Variants in PPP3CA observed in about 807,000 individuals in gnomAD.
PPP3CA encodes protein phosphatase 3 catalytic subunit alpha.
Under a neutral mutation model 66.5 loss-of-function variants are expected in PPP3CA, and 14 were observed. The observed-to-expected ratio is 0.21, with a 90% CI of 0.14 to 0.33. The LOEUF (loss-of-function observed/expected upper bound fraction) is 0.33, where lower values mean the gene tolerates loss of function less well. Ranked by LOEUF, PPP3CA falls within the 10% of genes least tolerant of loss-of-function variation. The pLI is 1.00. For synonymous variants in PPP3CA, 232 were observed against 226.2 expected, an observed-to-expected ratio of 1.03 and a Z score of -0.23; for missense variants, 317 against 639.5, an observed-to-expected ratio of 0.50 and a Z score of 5.44.
At chr4:101,107,440 A>T (rs1487233687) in intron 3 of PPP3CA, among the ~76,000 whole-genome samples, 3 of 152,214 alleles carry the variant, frequency 2.0e-5, no homozygotes, top group Non-Finnish European at 2.9e-5. Flanking sequence ...TGGTGCATAT[A>T]CATTTTATAT....
intron 1 of PPP3CA, among the ~76,000 whole-genome samples, chr4:101,267,860 C>T (rs1393252801): frequency 6.6e-6 from 1 of 152,108 alleles, no homozygotes; most frequent in East Asian, 1.9e-4. Context: ...ACTATCGATA[C>T]TATTGTTAAC....
chr4:101,264,045 T>G (rs912729677), intron 1 of PPP3CA, among the ~76,000 whole-genome samples: 1 of 152,216 alleles, frequency 6.6e-6, no homozygotes, highest in Non-Finnish European at 1.5e-5. Context: ...CTTAGTACAC[T>G]GATTCTCACA....
chr4:101,123,662 C>T (rs1182935044), intron 2 of PPP3CA, among the ~76,000 whole-genome samples: 1 of 152,004 alleles, frequency 6.6e-6, no homozygotes, highest in African/African-American at 2.4e-5. Context: ...GAAACCAGAT[C>T]TCTACAAAAT....
chr4:101,102,892 C>T (rs927752249), intron 3 of PPP3CA, among the ~76,000 whole-genome samples: 3 of 152,054 alleles, frequency 2.0e-5, no homozygotes, highest in Non-Finnish European at 2.9e-5. Flanking sequence ...AAATGAGGTG[C>T]GCTAATCACT....
chr4:101,193,377 G>A (rs1268296485), intron 2 of PPP3CA, among the ~76,000 whole-genome samples: 1 of 151,908 alleles, frequency 6.6e-6, no homozygotes, highest in Non-Finnish European at 1.5e-5. Context: ...ATGTCAAAGA[G>A]GAAAAATACT....
intron 1 of PPP3CA, among the ~76,000 whole-genome samples, chr4:101,236,107 C>A (rs1035017244): frequency 1.3e-5 from 2 of 150,612 alleles, no homozygotes; most frequent in African/African-American, 4.9e-5. Context: ...AAAGAACCTA[C>A]GTAACAAATA....
intron 3 of PPP3CA, among the ~76,000 whole-genome samples, chr4:101,101,749 A>G (rs894965339): frequency 3.3e-5 from 5 of 152,126 alleles, no homozygotes; most frequent in Admixed American, 2.6e-4. Context: ...ATCCAGTTAC[A>G]TTTCAGCATT....
chr4:101,134,037 A>G (rs1722535443), intron 2 of PPP3CA, among the ~76,000 whole-genome samples: 2 of 152,248 alleles, frequency 1.3e-5, no homozygotes, highest in Admixed American at 6.5e-5. Context: ...AAAACTGGCT[A>G]GCTATATGCA....
At chr4:101,076,754 T>C (rs1206108888) in intron 8 of PPP3CA, among the ~76,000 whole-genome samples, 3 of 152,314 alleles carry the variant, frequency 2.0e-5, no homozygotes, top group Non-Finnish European at 4.4e-5. Flanking sequence ...AACTGAGGAA[T>C]AAGGGAATTT....
Position 101,102,526 on chromosome 4 carries a change from A to T in PPP3CA, c.385-2804T>A, listed in dbSNP as rs553277879. Among the ~76,000 whole-genome samples, 48 of 152,184 alleles carry T rather than the reference A, an allele frequency of 3.2e-4. 1 individual carries two copies. The highest frequency in any genetic ancestry group is 4.3e-4 in the Non-Finnish European group (29 of 68,020). ...TGGAAGAAGTGGCATGGTAAATGAAAGGGCAAGGGTGGACTGGAGGTGGAG... is the reference window on the plus strand; with the variant it reads ...TGGAAGAAGTGGCATGGTAAATGAATGGGCAAGGGTGGACTGGAGGTGGAG... On this transcript the variant is annotated intron_variant, in intron 3 of 13. Transcript: ENST00000394854.
intron 1 of PPP3CA, among the ~76,000 whole-genome samples, chr4:101,308,664 C>T (rs1212148961): frequency 6.6e-6 from 1 of 152,030 alleles, no homozygotes; most frequent in Admixed American, 6.6e-5. Flanking sequence ...AACTCCTGGC[C>T]TCAAGAGGTC....
chr4:101,321,366 T>C (rs1336357196), intron 1 of PPP3CA, among the ~76,000 whole-genome samples: 3 of 152,154 alleles, frequency 2.0e-5, no homozygotes, highest in African/African-American at 7.2e-5. Flanking sequence ...CCACATATAT[T>C]TGAAGAAACA....
At chr4:101,236,075 C>A (rs1463561999) in intron 1 of PPP3CA, among the ~76,000 whole-genome samples, 2 of 150,020 alleles carry the variant, frequency 1.3e-5, no homozygotes, top group Non-Finnish European at 3.0e-5. Flanking sequence ...CAGCCCTGTA[C>A]TCATAGAATT....
intron 1 of PPP3CA, among the ~76,000 whole-genome samples, chr4:101,278,074 C>T (rs1250028047): frequency 7.2e-6 from 1 of 138,208 alleles, no homozygotes. Flanking sequence ...AGGGCCACTT[C>T]TTAATTCTGG....
chr4:101,180,748 C>A (rs959794305), intron 2 of PPP3CA, among the ~76,000 whole-genome samples: 2 of 151,926 alleles, frequency 1.3e-5, no homozygotes, highest in Non-Finnish European at 2.9e-5. Flanking sequence ...ATAAATACTG[C>A]TTTGGCCAGG....
chr4:101,176,341 C>T (rs766785951), intron 2 of PPP3CA, among the ~76,000 whole-genome samples: 6 of 152,086 alleles, frequency 3.9e-5, no homozygotes, highest in Admixed American at 2.0e-4. Flanking sequence ...GCAACAATAA[C>T]GTGCTGCAGA....
chr4:101,307,046 T>A (rs571428389), intron 1 of PPP3CA, among the ~76,000 whole-genome samples: 1 of 152,178 alleles, frequency 6.6e-6, no homozygotes, highest in East Asian at 1.9e-4. Context: ...CTGGTGGTAT[T>A]GTAGGTGTTA....
chr4:101,243,814 G>A (rs1726390491), intron 1 of PPP3CA, among the ~76,000 whole-genome samples: 1 of 152,160 alleles, frequency 6.6e-6, no homozygotes, highest in African/African-American at 2.4e-5. Flanking sequence ...CTACATGCCT[G>A]TGTGGTCTTG....
At chr4:101,302,940 T>C (rs1013452042) in intron 1 of PPP3CA, among the ~76,000 whole-genome samples, 1 of 152,254 alleles carries the variant, frequency 6.6e-6, no homozygotes, top group African/African-American at 2.4e-5. Flanking sequence ...TAAGGTTGAA[T>C]GTATGTCTTG....
Sources: gnomAD v4.1 joint callset for allele counts (sites outside exome capture counted in the v4.1 genomes callset) on GRCh38, gnomAD v4.1.1 for gene constraint, MANE v1.5 for transcripts, NCBI Gene and HGNC (gene_info 2026-07-23, HGNC 2026-07-21) for gene names.